Variants in TBX5 observed in about 807,000 individuals in gnomAD.
The protein encoded by TBX5 is T-box transcription factor TBX5.
TBX5 carries 8 observed loss-of-function variants against 51.1 expected under a neutral mutation model. That is an observed-to-expected ratio of 0.16 (90% CI 0.09 to 0.28). TBX5 has a LOEUF of 0.28. TBX5 is among the 10% of genes least tolerant of loss of function. The pLI is 1.00. For missense variants in TBX5, 589 were observed against 671.7 expected, an observed-to-expected ratio of 0.88 and a Z score of 1.36; for synonymous variants, 302 against 266.4, an observed-to-expected ratio of 1.13 and a Z score of -1.30.
chr12:114,392,665 G>C (rs548191006), intron 6 of TBX5, among the ~76,000 whole-genome samples: 2 of 152,210 alleles, frequency 1.3e-5, no homozygotes, highest in Admixed American at 1.3e-4. Flanking sequence ...ACCCCAGTCT[G>C]GTCTGAGAGC....
At chr12:114,406,645 T>C (rs372419958), upstream of TBX5, among the ~76,000 whole-genome samples, 2 of 152,072 alleles carry the variant, frequency 1.3e-5, no homozygotes, top group South Asian at 4.1e-4. Context: ...TGAAGGTGCA[T>C]TGGGATGGGG....
intron 4 of TBX5, 138 bp from the exon 5 acceptor site, chr12:114,398,858 C>T: frequency 9.1e-7 from 1 of 1,100,804 alleles, no homozygotes; most frequent in Admixed American, 2.1e-5. Context: ...TCTCCCGTCT[C>T]CCTTAGGTAT....
intron 5 of TBX5, 96 bp downstream of exon 5, chr12:114,398,477 A>G (rs796244110): frequency 6.7e-7 from 1 of 1,503,504 alleles, no homozygotes; most frequent in South Asian, 1.2e-5. Flanking sequence ...GGAGAAATGT[A>G]GGCACACAGA....
chr12:114,369,104 T>A (rs1869717528), intron 7 of TBX5, among the ~76,000 whole-genome samples: 2 of 152,200 alleles, frequency 1.3e-5, no homozygotes, highest in Non-Finnish European at 2.9e-5. Flanking sequence ...ATCTATTTAG[T>A]TCCAATATTT....
At chr12:114,370,795 A>T (rs113064905) in intron 7 of TBX5, among the ~76,000 whole-genome samples, 2 of 151,878 alleles carry the variant, frequency 1.3e-5, no homozygotes, top group East Asian at 1.9e-4. Flanking sequence ...CATTTTAAAA[A>T]TTTTTTTGTT....
chr12:114,360,289 T>C (rs979129295), intron 8 of TBX5, among the ~76,000 whole-genome samples: 2 of 149,674 alleles, frequency 1.3e-5, no homozygotes, highest in Admixed American at 6.8e-5. Flanking sequence ...CAACCCTACA[T>C]GCTCAGCCAA....
rs146600272 is a variant in TBX5, at chr12:114,364,525, T to C, written c.982+1640A>G. On this transcript the variant is annotated intron_variant, in intron 8 of 8. Transcript: ENST00000405440. ...TCACTACTTATGAAAATTTTTAAAT[T>C]GCAAAGGTGAACTTCATCCTGATTG... 2.4e-4 allele frequency among the ~76,000 whole-genome samples: 36 copies of C among 152,330 alleles called. 2 individuals are homozygous for C. In the East Asian group the frequency reaches 6.9e-3, roughly 29 times the overall value.
At chr12:114,401,241 T>TA (rs967260577) in intron 3 of TBX5, among the ~76,000 whole-genome samples, 1 of 152,176 alleles carries the variant, frequency 6.6e-6, no homozygotes, top group African/African-American at 2.4e-5. Context: ...TTGGTGTCTG[T>TA]ATATAGAGCC....
chr12:114,406,001 G>A lies in TBX5; in HGVS notation c.-412C>T. On this transcript the variant is annotated 5_prime_UTR_variant, in exon 1 of 9. Coordinates refer to ENST00000405440, the MANE Select transcript of TBX5 (RefSeq NM_181486.4). ...AGTGAATGGTCGAAGTCCTTTCTGA[G>A]CGCAGCTTTCAGGATTAAAGTTCCC... is the stretch of plus-strand genomic sequence containing the variant. The A allele has an allele frequency of 1.0e-6, 1 of 985,338 alleles. No individual in the cohort carries two copies. The allele number at this position is 985,338 out of a possible 1,614,324, so 61.0% of individuals were successfully genotyped here.
At chr12:114,370,288 G>GAAAAGAAAGAAAAGA (rs56105735) in intron 7 of TBX5, among the ~76,000 whole-genome samples, 40 of 56,732 alleles carry the variant, frequency 7.1e-4, no homozygotes, top group Admixed American at 3.9e-3. Context: ...GAAAAGAAAA[G>GAAAAGAAAGAAAAGA]AAAGAAAAGA....
chr12:114,378,583 AAG>A (rs748153079), intron 7 of TBX5, among the ~76,000 whole-genome samples: 35 of 152,194 alleles, frequency 2.3e-4, no homozygotes, highest in Non-Finnish European at 4.9e-4. Context: ...TTCTAGGTAG[AAG>A]AGAGAACTTG....
intron 7 of TBX5, among the ~76,000 whole-genome samples, chr12:114,382,438 T>C (rs978900074): frequency 7.9e-5 from 12 of 152,128 alleles, no homozygotes; most frequent in African/African-American, 2.9e-4. Flanking sequence ...CTGAGGCAGG[T>C]AGATCACTTG....
chr12:114,378,933 C>T lies in TBX5; in HGVS notation c.755+6543G>A, dbSNP rs1419789792. The stretch of plus-strand genomic sequence containing the variant: ...ATGCAGCAGAAGTGACACTACCTGA[C>T]ATCCAAGGTGCAGTCAGCAAGGACC... On this transcript the variant is annotated intron_variant, in intron 7 of 8. Transcript: ENST00000405440. Among the ~76,000 whole-genome samples the T allele has an allele frequency of 2.6e-5, 4 of 152,212 alleles. No homozygotes were observed. In the East Asian group the frequency reaches 7.7e-4, roughly 29 times the overall value.
At chr12:114,371,173 G>T (rs1869881393) in intron 7 of TBX5, among the ~76,000 whole-genome samples, 1 of 152,180 alleles carries the variant, frequency 6.6e-6, no homozygotes, top group South Asian at 2.1e-4. Context: ...ACTCTTTGCA[G>T]AAACTTTAGT....
intron 7 of TBX5, among the ~76,000 whole-genome samples, chr12:114,384,746 A>C (rs1387460559): frequency 8.9e-5 from 4 of 45,100 alleles, no homozygotes; most frequent in Non-Finnish European, 2.1e-4. Context: ...CACACACACA[A>C]CACACACACA....
chr12:114,397,786 A>C (rs536148075), intron 5 of TBX5, among the ~76,000 whole-genome samples: 7 of 152,268 alleles, frequency 4.6e-5, no homozygotes, highest in Admixed American at 1.3e-4. Context: ...TGGAAAAAAA[A>C]CAGATCTCCC....
chr12:114,397,571 A>G (rs1174365067), intron 5 of TBX5, among the ~76,000 whole-genome samples: 1 of 152,116 alleles, frequency 6.6e-6, no homozygotes, highest in African/African-American at 2.4e-5. Flanking sequence ...TTCTTTGGGG[A>G]AGAGGGGTGA....
chr12:114,367,252 G>GAAAGAAAAGAGAAA (rs148020424), intron 7 of TBX5, among the ~76,000 whole-genome samples: 1 of 141,240 alleles, frequency 7.1e-6, no homozygotes, highest in Non-Finnish European at 1.6e-5. Flanking sequence ...AAACAAAAAA[G>GAAAGAAAAGAGAAA]GAAAGAAAGA....
At chr12:114,382,656 G>C (rs1870567933) in intron 7 of TBX5, among the ~76,000 whole-genome samples, 1 of 152,152 alleles carries the variant, frequency 6.6e-6, no homozygotes, top group Non-Finnish European at 1.5e-5. Flanking sequence ...AATTAGCCAG[G>C]CGTGGTGGTG....
Sources: gnomAD v4.1 joint callset for allele counts (sites outside exome capture counted in the v4.1 genomes callset) on GRCh38, gnomAD v4.1.1 for gene constraint, MANE v1.5 for transcripts, NCBI Gene and HGNC (gene_info 2026-07-23, HGNC 2026-07-21) for gene names.